Variants in TRAPPC9 observed in about 807,000 individuals in gnomAD.
TRAPPC9 encodes the protein trafficking protein particle complex subunit 9.
Under a neutral mutation model 124.0 loss-of-function variants are expected in TRAPPC9, and 83 were observed. That is an observed-to-expected ratio of 0.67 (90% CI 0.56 to 0.80). TRAPPC9 has a LOEUF of 0.80. TRAPPC9 is among the 30% of genes least tolerant of loss of function. The pLI is 0.00. For missense variants in TRAPPC9, 1,302 were observed against 1,508.3 expected, an observed-to-expected ratio of 0.86 and a Z score of 2.27; for synonymous variants, 638 against 617.5, an observed-to-expected ratio of 1.03 and a Z score of -0.49.
At position 140,139,426 on chromosome 8, in the gene TRAPPC9, G is replaced by A. The variant is rs143592499; in HGVS notation, c.2556+82033C>T. Among the ~76,000 whole-genome samples, 1,099 of 152,184 alleles carry A rather than the reference G, an allele frequency of 7.2e-3. 5 individuals are homozygous for A. The highest frequency in any genetic ancestry group is 0.012 in the Non-Finnish European group (820 of 68,004). On this transcript the variant is annotated intron_variant, in intron 17 of 22. Coordinates refer to ENST00000438773, the MANE Select transcript of TRAPPC9 (RefSeq NM_001160372.4). ...GAATTTCCGATCCAGCATTTCACAC[G>A]GGGGTTATACCCAACAGAACGATGT...
At chr8:140,347,489 C>T (rs1460890612) in intron 9 of TRAPPC9, among the ~76,000 whole-genome samples, 1 of 152,226 alleles carries the variant, frequency 6.6e-6, no homozygotes, top group African/African-American at 2.4e-5. Flanking sequence ...AGGCCTCATC[C>T]TTCAGCCCTG....
At chr8:139,923,202 C>G (rs1832614645) in intron 19 of TRAPPC9, among the ~76,000 whole-genome samples, 1 of 152,204 alleles carries the variant, frequency 6.6e-6, no homozygotes, top group African/African-American at 2.4e-5. Flanking sequence ...AATCATCTCC[C>G]CGCTAAGTGG....
At chr8:140,254,272 G>T (rs779978765) in intron 15 of TRAPPC9, among the ~76,000 whole-genome samples, 5 of 152,196 alleles carry the variant, frequency 3.3e-5, no homozygotes, top group Non-Finnish European at 7.4e-5. Flanking sequence ...CTGGGCAGTG[G>T]GTGTCAGTTC....
At chr8:140,310,104 G>A (rs923025772) in intron 10 of TRAPPC9, among the ~76,000 whole-genome samples, 5 of 152,200 alleles carry the variant, frequency 3.3e-5, no homozygotes, top group Non-Finnish European at 1.5e-5. Context: ...AAAGAATGCA[G>A]GGAGAAAGAA....
intron 17 of TRAPPC9, among the ~76,000 whole-genome samples, chr8:140,166,519 G>A (rs576045867): frequency 2.6e-5 from 4 of 152,302 alleles, no homozygotes; most frequent in Admixed American, 6.5e-5. Flanking sequence ...CAAGCAGTCC[G>A]ACAGAATATG....
rs2063198834 is a variant in TRAPPC9, at chr8:140,216,503, G to A, written c.2556+4956C>T. 6.6e-6 allele frequency among the ~76,000 whole-genome samples: 1 copy of A among 152,214 alleles called. No homozygotes were observed. Among genetic ancestry groups the A allele is most frequent in the South Asian group, 2.1e-4 (1 of 4,830 alleles). On this transcript the variant is annotated intron_variant, in intron 17 of 22. Coordinates refer to ENST00000438773, the MANE Select transcript of TRAPPC9 (RefSeq NM_001160372.4). This position sits in a 1 kb window ranked among gnomAD's most constrained non-coding sequence, Gnocchi z 4.1. ...AAAAATCCTCTTCTTGTCTAACAGA[G>A]TACCTCAAATGTGAGAGATGCCCCC...
intron 21 of TRAPPC9, among the ~76,000 whole-genome samples, chr8:139,813,117 G>A (rs971402917): frequency 3.9e-5 from 6 of 152,234 alleles, no homozygotes; most frequent in African/African-American, 1.4e-4. Flanking sequence ...CTCAAGGACT[G>A]TGCTGCCGGT....
intron 19 of TRAPPC9, among the ~76,000 whole-genome samples, chr8:139,917,643 G>T (rs952119262): frequency 6.6e-6 from 1 of 152,164 alleles, no homozygotes; most frequent in Non-Finnish European, 1.5e-5. Flanking sequence ...CAACAGGCTC[G>T]GTCGCCACCG....
intron 17 of TRAPPC9, chr8:140,096,824 G>T (rs1299307989): frequency 6.6e-6 from 1 of 152,276 alleles, no homozygotes; most frequent in East Asian, 1.9e-4. Flanking sequence ...GAGCGTGCAG[G>T]AGACCACCGT....
intron 21 of TRAPPC9, among the ~76,000 whole-genome samples, chr8:139,871,285 C>T (rs1828884921): frequency 1.3e-5 from 2 of 152,178 alleles, no homozygotes; most frequent in African/African-American, 4.8e-5. Flanking sequence ...ATGTTGAGTC[C>T]ATTTTTATTA....
At chr8:139,739,159 C>T (rs1274994417) in intron 21 of TRAPPC9, among the ~76,000 whole-genome samples, 1 of 152,166 alleles carries the variant, frequency 6.6e-6, no homozygotes, top group African/African-American at 2.4e-5. Context: ...TCCTGCCCCT[C>T]TTCCCCATGC....
chr8:139,846,785 CCAGCAGGCCACCCACCA>C (rs1200709942), intron 21 of TRAPPC9, among the ~76,000 whole-genome samples: 2 of 152,260 alleles, frequency 1.3e-5, no homozygotes, highest in South Asian at 2.1e-4. Flanking sequence ...GGGGCTGTGC[CCAGCAGGCCACCCACCA>C]TGCTGTCTGT....
chr8:140,286,582 G>A (rs2065489784), intron 13 of TRAPPC9, among the ~76,000 whole-genome samples: 1 of 152,192 alleles, frequency 6.6e-6, no homozygotes, highest in African/African-American at 2.4e-5. Context: ...TGGGGGTGCT[G>A]TGACAGACAG....
At chr8:139,856,802 A>C (rs558492509) in intron 21 of TRAPPC9, among the ~76,000 whole-genome samples, 1 of 151,756 alleles carries the variant, frequency 6.6e-6, no homozygotes, top group African/African-American at 2.4e-5. Context: ...AGGCAAAACC[A>C]GTGAGGTGGA....
chr8:140,271,462 G>A (rs887055161), intron 15 of TRAPPC9, among the ~76,000 whole-genome samples: 8 of 152,066 alleles, frequency 5.3e-5, no homozygotes, highest in Admixed American at 2.0e-4. Context: ...CACGCCACGC[G>A]TCCAACAAAG....
intron 18 of TRAPPC9, among the ~76,000 whole-genome samples, chr8:140,002,971 A>C (rs558105419): frequency 3.3e-5 from 5 of 152,004 alleles, no homozygotes; most frequent in Admixed American, 3.3e-4. Flanking sequence ...TAAAAGAAAA[A>C]AAAGCACAAC....
intron 19 of TRAPPC9, among the ~76,000 whole-genome samples, chr8:139,943,738 CTG>C (rs1181815031): frequency 6.6e-6 from 1 of 152,108 alleles, no homozygotes; most frequent in Non-Finnish European, 1.5e-5. Flanking sequence ...AAAGCTAAAA[CTG>C]AGAAATAGAG....
intron 17 of TRAPPC9, among the ~76,000 whole-genome samples, chr8:140,126,378 C>T (rs909497113): frequency 6.6e-6 from 1 of 152,116 alleles, no homozygotes; most frequent in Non-Finnish European, 1.5e-5. Flanking sequence ...GCACCAGGTT[C>T]CAAACAAAGA....
intron 21 of TRAPPC9, among the ~76,000 whole-genome samples, chr8:139,770,626 G>T (rs892584868): frequency 6.6e-6 from 1 of 152,238 alleles, no homozygotes; most frequent in Non-Finnish European, 1.5e-5. Context: ...TGCTCTAGGA[G>T]GGAGGAAACC....
Sources: allele counts gnomAD v4.1 joint callset (sites outside exome capture counted in the v4.1 genomes callset), GRCh38; gene constraint gnomAD v4.1.1; non-coding constraint Gnocchi (gnomAD v3.1); transcripts MANE v1.5; gene names NCBI Gene and HGNC (gene_info 2026-07-23, HGNC 2026-07-21).